Variants in FOXP2 observed in about 807,000 individuals in gnomAD.
The protein encoded by FOXP2 is forkhead box protein P2.
Under a neutral mutation model 115.8 loss-of-function variants are expected in FOXP2, and 12 were observed. That is an observed-to-expected ratio of 0.10 (90% CI 0.07 to 0.17). The LOEUF (loss-of-function observed/expected upper bound fraction) is 0.17. Ranked by LOEUF, FOXP2 falls within the 10% of genes least tolerant of loss-of-function variation. The probability of loss-of-function intolerance (pLI) is 1.00; values close to 1 mark genes in which losing one functional copy is unlikely to be tolerated. For missense variants in FOXP2, 629 were observed against 843.5 expected (o/e 0.75, Z 3.15); for synonymous variants, 328 against 297.7 (o/e 1.10, Z -1.05).
chr7:114,689,716 C>A (rs1808556193), intron 16 of FOXP2, 66 bp from the exon 17 acceptor site: 3 of 1,579,476 alleles, frequency 1.9e-6, no homozygotes, highest in Non-Finnish European at 2.6e-6. Context: ...CTCTTCACTG[C>A]AAAGTTGGCC....
At chr7:114,271,535 T>G (rs1163221354) in intron 1 of FOXP2, among the ~76,000 whole-genome samples, 1 of 124,998 alleles carries the variant, frequency 8.0e-6, no homozygotes, top group Non-Finnish European at 1.6e-5. Flanking sequence ...ATTATTATAT[T>G]ATTATAATTA....
chr7:114,526,170 A>G (rs10226599), intron 2 of FOXP2, among the ~76,000 whole-genome samples: 1 of 94,998 alleles, frequency 1.1e-5, no homozygotes, highest in Non-Finnish European at 2.1e-5. Context: ...ATGTTTCTTT[A>G]TTAAAAAAAA....
intron 16 of FOXP2, among the ~76,000 whole-genome samples, chr7:114,670,927 T>A (rs1007701079): frequency 1.3e-5 from 2 of 152,224 alleles, no homozygotes; most frequent in East Asian, 3.9e-4. Flanking sequence ...TTTGCTGATG[T>A]TTTGGATCAT....
intron 2 of FOXP2, among the ~76,000 whole-genome samples, chr7:114,405,948 A>G (rs1460568455): frequency 6.6e-6 from 1 of 151,528 alleles, no homozygotes; most frequent in East Asian, 1.9e-4. Flanking sequence ...GACTTTTTTT[A>G]TGGTCAGCAT....
chr7:114,642,571 C>T lies in FOXP2; in HGVS notation c.937C>T (p.His313Tyr), dbSNP rs770001809. 6.2e-7 allele frequency: 1 copy of T among 1,613,700 alleles called. No individual in the cohort carries two copies. Among genetic ancestry groups the T allele is most frequent in the South Asian group, 1.1e-5 (1 of 91,050 alleles). Residue 313 changes from histidine (H) to tyrosine (Y), a missense_variant, in exon 7 of 17, where the codon CAT becomes TAT. His to Tyr is a moderately conservative substitution (Grantham distance 83). Coordinates refer to ENST00000350908, the MANE Select transcript of FOXP2 (RefSeq NM_014491.4). ...NTSKASPPITHHSIVNGQSSV... is the reference protein window; with the variant it reads ...NTSKASPPITYHSIVNGQSSV... ...TTCCAAAGCATCACCACCAATAACT[C>T]ATCATTCCATAGTGAATGGACAGTC...
At chr7:114,664,221 T>G in intron 15 of FOXP2, 52 bp from the exon 16 acceptor site, 1 of 1,584,346 alleles carries the variant, frequency 6.3e-7, no homozygotes, top group East Asian at 2.3e-5. Context: ...GTTTTAAAAA[T>G]TATTTTAAAT....
intron 2 of FOXP2, among the ~76,000 whole-genome samples, chr7:114,456,677 A>G (rs1302146938): frequency 1.3e-5 from 2 of 152,204 alleles, no homozygotes; most frequent in African/African-American, 2.4e-5. Context: ...GGAAATTAGC[A>G]TGTGGAATTA....
chr7:114,236,804 C>A (rs892633448), intron 1 of FOXP2, among the ~76,000 whole-genome samples: 3 of 152,022 alleles, frequency 2.0e-5, no homozygotes, highest in Non-Finnish European at 4.4e-5. Context: ...TAGCAAAACC[C>A]CTTCTCTACT....
At chr7:114,353,094 C>A (rs888910067) in intron 2 of FOXP2, among the ~76,000 whole-genome samples, 13 of 152,092 alleles carry the variant, frequency 8.5e-5, no homozygotes, top group African/African-American at 3.1e-4. Flanking sequence ...CACCACTGTC[C>A]ATAAGACAAT....
intron 2 of FOXP2, among the ~76,000 whole-genome samples, chr7:114,500,295 C>T (rs1225262999): frequency 6.6e-6 from 1 of 151,194 alleles, no homozygotes; most frequent in Non-Finnish European, 1.5e-5. Flanking sequence ...TATAGTGGCT[C>T]AAGGATTTTT....
At chr7:114,134,721 A>G (rs1403934361) in intron 1 of FOXP2, among the ~76,000 whole-genome samples, 2 of 152,048 alleles carry the variant, frequency 1.3e-5, no homozygotes, top group Admixed American at 6.5e-5. Context: ...TCAAAAAAAA[A>G]AAAAAAAAGA....
intron 2 of FOXP2, among the ~76,000 whole-genome samples, chr7:114,433,099 G>A (rs1794185942): frequency 6.6e-6 from 1 of 151,866 alleles, no homozygotes; most frequent in African/African-American, 2.4e-5. Context: ...TCTGCTTTGT[G>A]GTGTTGTTTA....
chr7:114,378,701 A>AAAAAAAAAAAAAAAAAAAG (rs1554380027), intron 2 of FOXP2, among the ~76,000 whole-genome samples: 4 of 106,746 alleles, frequency 3.7e-5, no homozygotes, highest in African/African-American at 1.1e-4. Context: ...AAAAAAAAAA[A>AAAAAAAAAAAAAAAAAAAG]GGAAAAGAAA....
chr7:114,152,986 A>T (rs1792566753), intron 1 of FOXP2, among the ~76,000 whole-genome samples: 1 of 152,174 alleles, frequency 6.6e-6, no homozygotes, highest in African/African-American at 2.4e-5. Flanking sequence ...ACCTTGCTAT[A>T]GAATGACATA....
chr7:114,230,535 A>C (rs767331042), intron 1 of FOXP2, among the ~76,000 whole-genome samples: 8 of 151,948 alleles, frequency 5.3e-5, no homozygotes, highest in Non-Finnish European at 8.8e-5. Flanking sequence ...TGACTAAGTG[A>C]TCTTATCCCT....
chr7:114,642,988 T>G (rs1276081259), intron 7 of FOXP2, among the ~76,000 whole-genome samples: 1 of 150,884 alleles, frequency 6.6e-6, no homozygotes, highest in Non-Finnish European at 1.5e-5. Context: ...TTTTGTATTT[T>G]TTTTAGTAGA....
intron 8 of FOXP2, among the ~76,000 whole-genome samples, chr7:114,649,869 A>T (rs1176905681): frequency 6.6e-6 from 1 of 152,108 alleles, no homozygotes; most frequent in African/African-American, 2.4e-5. Context: ...CAGGAAAGAA[A>T]GTGGCAGCTC....
Position 114,691,763 on chromosome 7 carries a change from T to G in FOXP2, c.*1837T>G, listed in dbSNP as rs774760136. On this transcript the variant is annotated 3_prime_UTR_variant, in exon 17 of 17. Transcript: ENST00000350908. ...TAACATACGTTCCCGTTCCATGTGA[T>G]GGAACCGGTTCTTGCAAACTAAGCT... The G allele has an allele frequency of 4.4e-6, 2 of 453,670 alleles. No individual in the cohort carries two copies. Among genetic ancestry groups the G allele is most frequent in the Non-Finnish European group, 8.8e-6 (2 of 226,412 alleles). The allele number at this position is 453,670 out of a possible 1,614,324, so 28.1% of individuals were successfully genotyped here.
At chr7:114,589,986 C>T (rs1802363290) in intron 3 of FOXP2, among the ~76,000 whole-genome samples, 1 of 151,948 alleles carries the variant, frequency 6.6e-6, no homozygotes, top group Non-Finnish European at 1.5e-5. Context: ...GGTGCTTATT[C>T]TGTTATACTA....
Sources: gnomAD v4.1 joint callset for allele counts (sites outside exome capture counted in the v4.1 genomes callset) on GRCh38, gnomAD v4.1.1 for gene constraint, MANE v1.5 for transcripts, NCBI Gene and HGNC (gene_info 2026-07-23, HGNC 2026-07-21) for gene names.